Variants in EXOC6B observed in about 807,000 individuals in gnomAD.
The protein encoded by EXOC6B is SEC15 homolog B.
Under a neutral mutation model 113.5 loss-of-function variants are expected in EXOC6B, and 54 were observed. The ratio of observed to expected loss-of-function variants is 0.48; its 90% CI spans 0.38 to 0.60. The LOEUF (loss-of-function observed/expected upper bound fraction) is 0.60, where lower values mean the gene tolerates loss of function less well. EXOC6B is among the 20% of genes least tolerant of loss of function. The pLI is 0.00. For synonymous variants in EXOC6B, 357 were observed against 339.0 expected (o/e 1.05, Z -0.58); for missense variants, 797 against 977.5 (o/e 0.82, Z 2.46).
intron 20 of EXOC6B, among the ~76,000 whole-genome samples, chr2:72,221,963 A>G (rs1363760962): frequency 6.6e-6 from 1 of 152,200 alleles, no homozygotes; most frequent in African/African-American, 2.4e-5. Context: ...AACAGCATCA[A>G]GATGAGGAGG....
chr2:72,389,582 C>T (rs1351430060), intron 18 of EXOC6B, among the ~76,000 whole-genome samples: 1 of 151,988 alleles, frequency 6.6e-6, no homozygotes, highest in African/African-American at 2.4e-5. Context: ...TGTCTTCTGT[C>T]AATAAATTCC....
At chr2:72,206,717 G>A (rs902478615) in intron 20 of EXOC6B, among the ~76,000 whole-genome samples, 1 of 152,132 alleles carries the variant, frequency 6.6e-6, no homozygotes, top group East Asian at 1.9e-4. Flanking sequence ...AGCTCTTGAT[G>A]TATTAAATAA....
At chr2:72,193,530 ACT>A (rs1296914590) in intron 20 of EXOC6B, among the ~76,000 whole-genome samples, 1 of 152,262 alleles carries the variant, frequency 6.6e-6, no homozygotes, top group African/African-American at 2.4e-5. Context: ...TCTTCTAGGT[ACT>A]GCATATGAAA....
chr2:72,405,787 G>T (rs1693709856), intron 18 of EXOC6B, among the ~76,000 whole-genome samples: 1 of 152,144 alleles, frequency 6.6e-6, no homozygotes, highest in Admixed American at 6.5e-5. Flanking sequence ...GGAAGAAACT[G>T]CATCAACTAA....
At chr2:72,718,051 A>C (rs1383866083) in intron 6 of EXOC6B, 52 bp downstream of exon 6, 1 of 1,363,374 alleles carries the variant, frequency 7.3e-7, no homozygotes, top group East Asian at 2.4e-5. Context: ...ACCTGTGTTT[A>C]ACTCAATACT....
At chr2:72,648,324 C>T (rs541878518) in intron 6 of EXOC6B, among the ~76,000 whole-genome samples, 2 of 152,230 alleles carry the variant, frequency 1.3e-5, no homozygotes, top group Non-Finnish European at 2.9e-5. Flanking sequence ...GCTTTTACAC[C>T]GTTGGTGGGA....
chr2:72,310,102 T>C (rs1460949804), intron 20 of EXOC6B, among the ~76,000 whole-genome samples: 21 of 152,206 alleles, frequency 1.4e-4, no homozygotes, highest in African/African-American at 9.6e-5. Flanking sequence ...TAAACGTTCA[T>C]GTGCAAGTTT....
At chr2:72,537,149 T>C (rs2105776562) in intron 8 of EXOC6B, among the ~76,000 whole-genome samples, 1 of 152,162 alleles carries the variant, frequency 6.6e-6, no homozygotes, top group South Asian at 2.1e-4. Flanking sequence ...ACTTTGGAAA[T>C]AATGTACATG....
At chr2:72,454,533 A>G (rs1337997528) in intron 18 of EXOC6B, among the ~76,000 whole-genome samples, 1 of 152,190 alleles carries the variant, frequency 6.6e-6, no homozygotes, top group Non-Finnish European at 1.5e-5. Context: ...AAAGGAATAG[A>G]AAAAGAAAAG....
At chr2:72,302,970 C>A (rs1479999207) in intron 20 of EXOC6B, among the ~76,000 whole-genome samples, 1 of 152,056 alleles carries the variant, frequency 6.6e-6, no homozygotes, top group Non-Finnish European at 1.5e-5. Flanking sequence ...TCTTTCCTTT[C>A]CATATTTAGT....
At chr2:72,570,379 T>G (rs1222612645) in intron 7 of EXOC6B, among the ~76,000 whole-genome samples, 1 of 152,208 alleles carries the variant, frequency 6.6e-6, no homozygotes, top group Admixed American at 6.5e-5. Flanking sequence ...AGCAAATTAA[T>G]ACATCTCATT....
At chr2:72,622,634 C>A (rs1252393302) in intron 6 of EXOC6B, among the ~76,000 whole-genome samples, 3 of 151,986 alleles carry the variant, frequency 2.0e-5, no homozygotes, top group Non-Finnish European at 4.4e-5. Context: ...CACTTGAGCC[C>A]AGGAGGCAGA....
chr2:72,722,716 A>G (rs551341975), intron 5 of EXOC6B, among the ~76,000 whole-genome samples: 7 of 152,330 alleles, frequency 4.6e-5, no homozygotes, highest in Admixed American at 1.3e-4. Flanking sequence ...ATAAAATGCA[A>G]TTCCTCTAGA....
At chr2:72,322,160 G>T (rs1687876441) in intron 20 of EXOC6B, among the ~76,000 whole-genome samples, 1 of 151,994 alleles carries the variant, frequency 6.6e-6, no homozygotes, top group South Asian at 2.1e-4. Flanking sequence ...GCCCAAACTG[G>T]AAAGAACAAA....
intron 19 of EXOC6B, among the ~76,000 whole-genome samples, chr2:72,338,089 A>G (rs1688796866): frequency 6.6e-6 from 1 of 152,166 alleles, no homozygotes; most frequent in Non-Finnish European, 1.5e-5. Flanking sequence ...CTTTGGAGCA[A>G]TAAAAATCAG....
At chr2:72,348,299 C>T (rs1185541397) in intron 19 of EXOC6B, among the ~76,000 whole-genome samples, 2 of 152,150 alleles carry the variant, frequency 1.3e-5, no homozygotes, top group East Asian at 3.9e-4. Flanking sequence ...AGGATTTCAA[C>T]ATATGAATTT....
chr2:72,790,921 T>C (rs972168503), intron 1 of EXOC6B, among the ~76,000 whole-genome samples: 1 of 152,128 alleles, frequency 6.6e-6, no homozygotes, highest in Non-Finnish European at 1.5e-5. Flanking sequence ...AGTAGAACTA[T>C]GGTTACTAGA....
intron 6 of EXOC6B, among the ~76,000 whole-genome samples, chr2:72,580,820 A>G (rs1313844121): frequency 6.6e-6 from 1 of 152,094 alleles, no homozygotes; most frequent in Non-Finnish European, 1.5e-5. Flanking sequence ...AAGTAAAACA[A>G]CCCTTGAAAA....
intron 6 of EXOC6B, among the ~76,000 whole-genome samples, chr2:72,699,802 C>T (rs1278057854): frequency 2.6e-5 from 4 of 152,114 alleles, no homozygotes; most frequent in African/African-American, 4.8e-5. Context: ...CAGGATAGCC[C>T]GCAAAAGTAG....
Sources: allele counts gnomAD v4.1 joint callset (sites outside exome capture counted in the v4.1 genomes callset), GRCh38; gene constraint gnomAD v4.1.1; transcripts MANE v1.5; gene names NCBI Gene and HGNC (gene_info 2026-07-23, HGNC 2026-07-21).